ZNF106: variants seen among roughly 807,000 people sequenced by gnomAD.
ZNF106 encodes the protein SH3-domain binding protein 3.
Under a neutral mutation model 195.1 loss-of-function variants are expected in ZNF106, and 67 were observed. That is an observed-to-expected ratio of 0.34 (90% CI 0.28 to 0.42). ZNF106 has a LOEUF of 0.42. Among genes scored for constraint, ZNF106 ranks in the 10% least tolerant of loss-of-function variants. The pLI is 1.00. For synonymous variants in ZNF106, 784 were observed against 818.6 expected (o/e 0.96, Z 0.72); for missense variants, 2,118 against 2,304.5 (o/e 0.92, Z 1.66).
intron 13 of ZNF106, 99 bp from the exon 14 acceptor site, chr15:42,435,617 G>T: frequency 1.4e-6 from 2 of 1,439,644 alleles, no homozygotes; most frequent in Non-Finnish European, 1.9e-6. Flanking sequence ...TCAGTTCACT[G>T]CTGTATCCTC....
chr15:42,475,315 G>A (rs2056761393), intron 1 of ZNF106, among the ~76,000 whole-genome samples: 2 of 152,256 alleles, frequency 1.3e-5, no homozygotes, highest in South Asian at 4.2e-4. Context: ...GGTGGCACGT[G>A]CCTGTAATCC....
At chr15:42,461,697 C>T (rs2056395839) in intron 3 of ZNF106, among the ~76,000 whole-genome samples, 1 of 152,214 alleles carries the variant, frequency 6.6e-6, no homozygotes, top group Non-Finnish European at 1.5e-5. Flanking sequence ...GTAACACATA[C>T]TTTGCAATTC....
At chr15:42,429,454 A>G (rs2141283022) in intron 14 of ZNF106, among the ~76,000 whole-genome samples, 1 of 151,668 alleles carries the variant, frequency 6.6e-6, no homozygotes, top group South Asian at 2.1e-4. Context: ...AAAAAAAAAA[A>G]ATTTGTTGTT....
intron 4 of ZNF106, among the ~76,000 whole-genome samples, chr15:42,454,996 A>T (rs1194152392): frequency 2.6e-5 from 4 of 152,230 alleles, no homozygotes; most frequent in Non-Finnish European, 5.9e-5. Context: ...TGTCTAATCT[A>T]TTCTGACTTA....
At chr15:42,440,602 C>A (rs150059585) in intron 10 of ZNF106, among the ~76,000 whole-genome samples, 147 of 151,926 alleles carry the variant, frequency 9.7e-4, no homozygotes, top group African/African-American at 3.4e-3. Flanking sequence ...ATATGTAATA[C>A]GAAAAATAAT....
chr15:42,490,783 C>G (rs962932129), intron 1 of ZNF106, among the ~76,000 whole-genome samples, 197 bp downstream of exon 1: 2 of 152,158 alleles, frequency 1.3e-5, no homozygotes, highest in African/African-American at 4.8e-5. Context: ...AAATCCGTAC[C>G]CCGAAGCCAG....
chr15:42,440,653 T>C (rs1306459400), intron 10 of ZNF106, among the ~76,000 whole-genome samples: 16 of 152,080 alleles, frequency 1.1e-4, no homozygotes, highest in Non-Finnish European at 1.5e-5. Context: ...TATATACACC[T>C]ACTATGTACC....
intron 1 of ZNF106, among the ~76,000 whole-genome samples, chr15:42,486,248 G>A (rs936071505): frequency 6.0e-5 from 9 of 150,576 alleles, no homozygotes; most frequent in Non-Finnish European, 1.2e-4. Flanking sequence ...GTGAGCCACC[G>A]CGCCCAGCCC....
chr15:42,455,098 A>G (rs956694809), intron 4 of ZNF106, among the ~76,000 whole-genome samples: 6 of 152,230 alleles, frequency 3.9e-5, no homozygotes, highest in Admixed American at 3.9e-4. Flanking sequence ...TGCCTAAAGC[A>G]GGATAAAGTA....
rs1034209886 is a variant in ZNF106, at chr15:42,413,104, T to C, written c.*4200A>G. The stretch of plus-strand genomic sequence containing the variant: ...TTGACCCCCTCCTTTCCCAATTTAT[T>C]TGGGTCACTACCTTGAATTTAGAGT... On this transcript the variant is annotated 3_prime_UTR_variant, in exon 22 of 22. Coordinates refer to ENST00000564754, the MANE Select transcript of ZNF106 (RefSeq NM_001366845.3). The C allele has an allele frequency of 6.6e-6, 1 of 152,196 alleles. No individual in the cohort carries two copies. The highest frequency in any genetic ancestry group is 2.4e-5 in the African/African-American group (1 of 41,450). 9.4% of individuals were successfully genotyped at this position (152,196 alleles called of 1,614,324 possible).
chr15:42,448,805 A>G, intron 5 of ZNF106, 100 bp from the exon 6 acceptor site: 1 of 1,285,860 alleles, frequency 7.8e-7, no homozygotes, highest in Non-Finnish European at 1.0e-6. Flanking sequence ...CTGAGGTTAT[A>G]AAAAGTAAGG....
intron 6 of ZNF106, among the ~76,000 whole-genome samples, chr15:42,447,512 G>A (rs377564840): frequency 1.3e-5 from 2 of 152,154 alleles, no homozygotes; most frequent in Admixed American, 1.3e-4. Context: ...CAGAAATGCC[G>A]GAAGAGCAGA....
rs1169518508 is a variant in ZNF106, at chr15:42,413,296, T to A, written c.*4008A>T. On this transcript the variant is annotated 3_prime_UTR_variant, in exon 22 of 22. Coordinates refer to ENST00000564754, the MANE Select transcript of ZNF106 (RefSeq NM_001366845.3). ...ATCCCAAATCACCTCCACCACAACT[T>A]CTATTCCTGTCTATTAGACCACTTC... is the stretch of plus-strand genomic sequence containing the variant. The A allele has an allele frequency of 6.6e-6, 1 of 152,178 alleles. No individual in the cohort carries two copies. The highest frequency in any genetic ancestry group is 1.5e-5 in the Non-Finnish European group (1 of 68,038). 9.4% of individuals were successfully genotyped at this position (152,178 alleles called of 1,614,324 possible).
At chr15:42,428,171 A>G (rs1236786156) in intron 14 of ZNF106, 37 bp from the exon 15 acceptor site, 2 of 1,563,944 alleles carry the variant, frequency 1.3e-6, no homozygotes, top group Non-Finnish European at 1.8e-6. Context: ...AGCAGAGGGT[A>G]CTGGCAAATG....
intron 14 of ZNF106, among the ~76,000 whole-genome samples, chr15:42,432,238 A>G (rs1463466079): frequency 6.6e-6 from 1 of 152,082 alleles, no homozygotes; most frequent in African/African-American, 2.4e-5. Context: ...AGCTCACTAT[A>G]ACCTCAAATT....
At chr15:42,484,599 G>A (rs555788964) in intron 1 of ZNF106, among the ~76,000 whole-genome samples, 6 of 152,246 alleles carry the variant, frequency 3.9e-5, no homozygotes, top group African/African-American at 9.6e-5. Context: ...TTAGCCAGGC[G>A]TGGTGATGCG....
At chr15:42,459,517 T>C (rs2056335495) in intron 3 of ZNF106, among the ~76,000 whole-genome samples, 1 of 151,966 alleles carries the variant, frequency 6.6e-6, no homozygotes, top group Non-Finnish European at 1.5e-5. Flanking sequence ...TCCTCAACTT[T>C]CTCCAGTTTA....
chr15:42,435,064 G>A (rs1185952462), intron 14 of ZNF106, among the ~76,000 whole-genome samples: 1 of 152,162 alleles, frequency 6.6e-6, no homozygotes, highest in Non-Finnish European at 1.5e-5. Context: ...GTGAGCCACT[G>A]AGCCCGGCCT....
chr15:42,474,777 C>G (rs2056751585), intron 1 of ZNF106, among the ~76,000 whole-genome samples: 1 of 152,070 alleles, frequency 6.6e-6, no homozygotes, highest in Admixed American at 6.6e-5. Context: ...AAAGAAAATA[C>G]CAGGGGTTTA....
Sources: gnomAD v4.1 joint callset for allele counts (sites outside exome capture counted in the v4.1 genomes callset) on GRCh38, gnomAD v4.1.1 for gene constraint, MANE v1.5 for transcripts, NCBI Gene and HGNC (gene_info 2026-07-23, HGNC 2026-07-21) for gene names.